Variants in FLVCR2 observed in about 807,000 individuals in gnomAD.
FLVCR2 encodes the protein FLVCR choline and putative heme transporter 2.
FLVCR2 carries 38 observed loss-of-function variants against 48.9 expected under a neutral mutation model. That is an observed-to-expected ratio of 0.78 (90% CI 0.60 to 1.02). The LOEUF is 1.02. Among genes scored for constraint, FLVCR2 ranks in the 50% least tolerant of loss-of-function variants. The pLI, the probability that FLVCR2 is intolerant of heterozygous loss-of-function variation, is 0.00. For synonymous variants in FLVCR2, 255 were observed against 257.0 expected, an observed-to-expected ratio of 0.99 and a Z score of 0.07; for missense variants, 664 against 663.3, an observed-to-expected ratio of 1.00 and a Z score of -0.01.
At chr14:75,595,814 C>T in intron 1 of FLVCR2, 1 of 841,640 alleles carries the variant, frequency 1.2e-6, no homozygotes, top group Non-Finnish European at 2.1e-6. Context: ...TTTACTCCTT[C>T]AGCTTTTTGC....
chr14:75,581,859 T>C (rs1267977336), intron 1 of FLVCR2, among the ~76,000 whole-genome samples: 1 of 152,066 alleles, frequency 6.6e-6, no homozygotes, highest in Admixed American at 6.5e-5. Context: ...ATTTCCATGA[T>C]GGAAAGGAAA....
At position 75,647,085 on chromosome 14, in the gene FLVCR2, A is replaced by G. The variant is rs1329788371; in HGVS notation, c.*613A>G. On this transcript the variant is annotated 3_prime_UTR_variant, in exon 10 of 10. Coordinates refer to ENST00000238667, the MANE Select transcript of FLVCR2 (RefSeq NM_017791.3). ...ACCCTCTTTCCTAAGAGCTGAGCAA[A>G]CCAACCATAATAAACTTGACAAAAG... 6.2e-6 allele frequency: 1 copy of G among 161,996 alleles called. No individual in the cohort carries two copies. The highest frequency in any genetic ancestry group is 1.4e-5 in the Non-Finnish European group (1 of 72,986). 10.0% of individuals were successfully genotyped at this position (161,996 alleles called of 1,614,324 possible).
At position 75,582,713 on chromosome 14, in the gene FLVCR2, G is replaced by T. The variant is rs369395008; in HGVS notation, c.669+3072G>T. Among the ~76,000 whole-genome samples, 6 of 152,304 alleles carry T rather than the reference G, an allele frequency of 3.9e-5. No homozygotes were observed. In the East Asian group the frequency reaches 9.6e-4, roughly 24 times the overall value. On this transcript the variant is annotated intron_variant, in intron 1 of 9. Coordinates refer to ENST00000238667, the MANE Select transcript of FLVCR2 (RefSeq NM_017791.3). Reference sequence around the variant, plus strand: ...GTTAGGGAGATCTTGTGTGGGGGCAGCTTCTAGGGCTGTTTTTAAGGAACG... The same window carrying T: ...GTTAGGGAGATCTTGTGTGGGGGCATCTTCTAGGGCTGTTTTTAAGGAACG...
intron 5 of FLVCR2, among the ~76,000 whole-genome samples, chr14:75,635,439 C>G (rs1161949852): frequency 6.6e-6 from 1 of 152,146 alleles, no homozygotes; most frequent in Non-Finnish European, 1.5e-5. Context: ...TGGGGTTGAC[C>G]AAGGTACTCT....
chr14:75,583,917 C>G (rs537013591), intron 1 of FLVCR2, among the ~76,000 whole-genome samples: 72 of 152,236 alleles, frequency 4.7e-4, no homozygotes, highest in Non-Finnish European at 9.1e-4. Flanking sequence ...AGGGGGCTTC[C>G]GAGGCGATTG....
chr14:75,639,506 T>TG, intron 6 of FLVCR2, 44 bp downstream of exon 6: 1 of 1,343,208 alleles, frequency 7.4e-7, no homozygotes, highest in African/African-American at 1.4e-5. Context: ...TACCATGCCA[T>TG]GGCTCCCAGA....
rs546762045 is a variant in FLVCR2 at position 75,595,985 on chromosome 14, C to T, written c.669+16344C>T. On this transcript the variant is annotated intron_variant, in intron 1 of 9. Coordinates refer to ENST00000238667, the MANE Select transcript of FLVCR2 (RefSeq NM_017791.3). ...TTGCATAATCCAGGGGATCATAAAT[C>T]ATGCCAAAGCCGGTTGTCTTGCCAC... 125 of 1,516,416 alleles carry T rather than the reference C, an allele frequency of 8.2e-5. 2 individuals are homozygous for T. In the South Asian group the frequency reaches 1.3e-3, roughly 16 times the overall value. 93.9% of individuals were successfully genotyped at this position (1,516,416 alleles called of 1,614,324 possible).
chr14:75,628,565 T>C (rs1482460181), intron 3 of FLVCR2, among the ~76,000 whole-genome samples: 1 of 152,174 alleles, frequency 6.6e-6, no homozygotes, highest in Non-Finnish European at 1.5e-5. Context: ...TTAAAGAGCA[T>C]GTGGCTAGGA....
intron 1 of FLVCR2, among the ~76,000 whole-genome samples, chr14:75,614,740 T>C (rs1419356823): frequency 2.0e-5 from 3 of 152,190 alleles, no homozygotes; most frequent in Non-Finnish European, 2.9e-5. Context: ...AGAGGTTTAA[T>C]TGACTCACTG....
At chr14:75,624,820 T>C in intron 3 of FLVCR2, 68 bp downstream of exon 3, 1 of 1,564,052 alleles carries the variant, frequency 6.4e-7, no homozygotes, top group Non-Finnish European at 8.8e-7. Flanking sequence ...TGATGTGTCT[T>C]CATATATTAC....
chr14:75,622,024 G>T, intron 1 of FLVCR2, 55 bp from the exon 2 acceptor site: 1 of 1,574,918 alleles, frequency 6.3e-7, no homozygotes, highest in Non-Finnish European at 8.7e-7. Flanking sequence ...TTACATTTGT[G>T]TTGTCACCTC....
In FLVCR2 at chr14:75,579,223, G is replaced by C. The variant is rs534378451; in HGVS notation, c.251G>C (p.Arg84Pro). Reference sequence around the variant, plus strand: ...AGCGTGATCAAGGTGAGCAGGCGCCGTTGGGCCGTGGTCCTGGTGTTTAGC... The same window carrying C: ...AGCGTGATCAAGGTGAGCAGGCGCCCTTGGGCCGTGGTCCTGGTGTTTAGC... ...DLSVIKVSRR[R>P]WAVVLVFSCY... The change falls in exon 1 of 10, where the codon CGT becomes CCT. Residue 84 changes from arginine to proline, a missense_variant. Physicochemically the swap from Arg to Pro is moderately radical, Grantham distance 103. Transcript: ENST00000238667. The C allele has an allele frequency of 6.2e-7, 1 of 1,614,122 alleles. No homozygotes were observed. The highest frequency in any genetic ancestry group is 1.7e-5 in the Admixed American group (1 of 60,012).
intron 1 of FLVCR2, among the ~76,000 whole-genome samples, chr14:75,596,362 C>T (rs1469092189): frequency 6.6e-6 from 1 of 152,166 alleles, no homozygotes; most frequent in Non-Finnish European, 1.5e-5. Flanking sequence ...AGACCACCCT[C>T]TGAAATGGTT....
intron 6 of FLVCR2, chr14:75,640,657 C>T (rs1359797398): frequency 9.1e-6 from 4 of 440,064 alleles, no homozygotes; most frequent in Non-Finnish European, 1.7e-5. Context: ...ACACACCAGG[C>T]ATCCTTGCCC....
chr14:75,597,420 G>A (rs1889051469), intron 1 of FLVCR2, among the ~76,000 whole-genome samples: 1 of 152,192 alleles, frequency 6.6e-6, no homozygotes, highest in Non-Finnish European at 1.5e-5. Flanking sequence ...CAATGTCAGA[G>A]GCTAGTAACT....
At chr14:75,606,771 G>A (rs1889300592) in intron 1 of FLVCR2, among the ~76,000 whole-genome samples, 1 of 151,978 alleles carries the variant, frequency 6.6e-6, no homozygotes, top group South Asian at 2.1e-4. Context: ...GGGCAACATG[G>A]AAAAACCCCG....
In FLVCR2 at chr14:75,578,862, T is replaced by C. The variant is rs80001297; in HGVS notation, c.-111T>C. 5.9e-3 allele frequency: 5,949 copies of C among 1,006,838 alleles called. 35 individuals are homozygous for C. The highest frequency in any genetic ancestry group is 0.019 in the African/African-American group (1,209 of 62,500). The allele number at this position is 1,006,838 out of a possible 1,614,324, so 62.4% of individuals were successfully genotyped here. Reference sequence around the variant, plus strand: ...TACGCAGCCTCTAGTCTCTGTTTCTTCTGGAATAGGCAAGTGTCCTTTCAA... The same window carrying C: ...TACGCAGCCTCTAGTCTCTGTTTCTCCTGGAATAGGCAAGTGTCCTTTCAA... On this transcript the variant is annotated 5_prime_UTR_variant, in exon 1 of 10. Coordinates refer to ENST00000238667, the MANE Select transcript of FLVCR2 (RefSeq NM_017791.3).
Position 75,591,909 on chromosome 14 carries a change from CTCAA to C in FLVCR2, c.669+12275_669+12278del, listed in dbSNP as rs1888892840. Among the ~76,000 whole-genome samples the C allele has an allele frequency of 2.0e-5, 3 of 148,164 alleles. No homozygotes were observed. The South Asian group carries it at 6.4e-4, about 31-fold the overall frequency. On this transcript the variant is annotated intron_variant, in intron 1 of 9. Transcript: ENST00000238667. ...GCTCACTGTACCTTGACCTCTGAGG[CTCAA>C]TCAATCTTCCAGCCTCAGCCTCCCA...
At chr14:75,638,145 G>C (rs1447072795) in intron 5 of FLVCR2, among the ~76,000 whole-genome samples, 1 of 152,066 alleles carries the variant, frequency 6.6e-6, no homozygotes, top group Non-Finnish European at 1.5e-5. Flanking sequence ...AACAGAAAAA[G>C]CTTTGCTGGG....
Sources: gnomAD v4.1 joint callset for allele counts (sites outside exome capture counted in the v4.1 genomes callset) on GRCh38, gnomAD v4.1.1 for gene constraint, MANE v1.5 for transcripts, NCBI Gene and HGNC (gene_info 2026-07-23, HGNC 2026-07-21) for gene names.